The following FAM20B variants were observed in gnomAD, a reference collection of about 807,000 sequenced individuals.
FAM20B encodes FAM20B glycosaminoglycan xylosylkinase, also known as glycosaminoglycan xylosylkinase.
A neutral mutation model predicts 43.8 loss-of-function variants in FAM20B; 23 were observed. The ratio of observed to expected loss-of-function variants is 0.53; its 90% CI spans 0.38 to 0.74. FAM20B has a LOEUF of 0.74. FAM20B is among the 30% of genes least tolerant of loss of function. The probability of loss-of-function intolerance (pLI) is 0.00; values close to 1 mark genes in which losing one functional copy is unlikely to be tolerated. For synonymous variants in FAM20B, 178 were observed against 192.4 expected (o/e 0.93, Z 0.62); for missense variants, 440 against 510.5 (o/e 0.86, Z 1.33).
Position 179,026,032 on chromosome 1 carries a change from G to GC in FAM20B, c.-200_-199insC, listed in dbSNP as rs1649751872. ...GGGCTGCCCCTCCCCGGAGGCGGCG[G>GC]GGGCGGCCGGGGCCGCGCCGCACCG... is the stretch of plus-strand genomic sequence containing the variant. On this transcript the variant is annotated 5_prime_UTR_variant, in exon 1 of 8. Coordinates refer to ENST00000263733, the MANE Select transcript of FAM20B (RefSeq NM_014864.4). 1 of 145,784 alleles carries GC rather than the reference G, an allele frequency of 6.9e-6. No individual in the cohort carries two copies. Among genetic ancestry groups the GC allele is most frequent in the African/African-American group, 2.5e-5 (1 of 40,604 alleles). The allele number at this position is 145,784 out of a possible 1,614,324, so 9.0% of individuals were successfully genotyped here.
intron 1 of FAM20B, among the ~76,000 whole-genome samples, chr1:179,026,332 G>T (rs982402975): frequency 2.4e-4 from 37 of 151,834 alleles, no homozygotes; most frequent in Admixed American, 1.3e-4. Context: ...ACCCGCTCGG[G>T]CCGCGTGTCC....
chr1:179,055,750 A>G (rs7526438), intron 4 of FAM20B, among the ~76,000 whole-genome samples: 108,108 of 152,034 alleles, frequency 0.71, 39,581 homozygotes, highest in African/African-American at 0.89. Flanking sequence ...AAAGCAGAGG[A>G]TTTGTAGAGG....
At chr1:179,053,696 G>A (rs1651102261) in intron 3 of FAM20B, among the ~76,000 whole-genome samples, 1 of 152,142 alleles carries the variant, frequency 6.6e-6, no homozygotes, top group African/African-American at 2.4e-5. Context: ...ATAGCCATTT[G>A]TAAAGGCTTT....
At chr1:179,025,797 G>C (rs1268137582), upstream of FAM20B, 2 of 150,920 alleles carry the variant, frequency 1.3e-5, no homozygotes, top group East Asian at 2.0e-4. Context: ...CTACTGGGCG[G>C]GGGCGGGGCC....
intron 4 of FAM20B, 26 bp from the exon 5 acceptor site, chr1:179,063,901 G>A (rs759831091): frequency 1.3e-6 from 2 of 1,560,876 alleles, no homozygotes; most frequent in East Asian, 2.3e-5. Flanking sequence ...TTCCTTAAGT[G>A]TATTTGGCTC....
intron 4 of FAM20B, among the ~76,000 whole-genome samples, chr1:179,061,964 G>C (rs1204048881): frequency 6.6e-6 from 1 of 151,942 alleles, no homozygotes; most frequent in Non-Finnish European, 1.5e-5. Context: ...GCACTTTCTT[G>C]CAACTGGCAT....
At chr1:179,024,036 A>G (rs75628647), upstream of FAM20B, among the ~76,000 whole-genome samples, 34 of 152,320 alleles carry the variant, frequency 2.2e-4, no homozygotes, top group East Asian at 6.6e-3. Flanking sequence ...GGGTAATGCA[A>G]CATGGAGAAG....
chr1:179,022,502 T>A (rs1288656753), upstream of FAM20B, among the ~76,000 whole-genome samples: 1 of 152,220 alleles, frequency 6.6e-6, no homozygotes, highest in African/African-American at 2.4e-5. Context: ...CCTTCGTGTA[T>A]GCAAAAGCAC....
At chr1:179,055,340 G>A (rs956965732) in intron 4 of FAM20B, among the ~76,000 whole-genome samples, 4 of 152,168 alleles carry the variant, frequency 2.6e-5, no homozygotes, top group Admixed American at 2.6e-4. Flanking sequence ...CAGTGATACA[G>A]TGCTCTGCAT....
intron 4 of FAM20B, among the ~76,000 whole-genome samples, chr1:179,059,495 C>T (rs1183863669): frequency 6.6e-6 from 1 of 152,042 alleles, no homozygotes; most frequent in Non-Finnish European, 1.5e-5. Context: ...AAATGTTAAC[C>T]CCAGGAACCT....
chr1:179,073,989 A>G lies in FAM20B; in HGVS notation c.*1845A>G, dbSNP rs563910351. ...CTGTCAAGTAGAGGCGAATATATAA[A>G]CAGTGTGGTTGAATACATTTAATGC... On this transcript the variant is annotated 3_prime_UTR_variant, in exon 8 of 8. Coordinates refer to ENST00000263733, the MANE Select transcript of FAM20B (RefSeq NM_014864.4). The G allele has an allele frequency of 3.3e-5, 5 of 152,426 alleles. No individual in the cohort carries two copies. In the South Asian group the frequency reaches 1.0e-3, roughly 32 times the overall value. The allele number at this position is 152,426 out of a possible 1,614,324, so 9.4% of individuals were successfully genotyped here.
At chr1:179,022,194 A>G (rs1649614467), upstream of FAM20B, among the ~76,000 whole-genome samples, 1 of 152,232 alleles carries the variant, frequency 6.6e-6, no homozygotes, top group Non-Finnish European at 1.5e-5. Flanking sequence ...AGCTGTCCAC[A>G]GACAGCCCAA....
At chr1:179,027,026 A>T (rs549215103) in intron 1 of FAM20B, among the ~76,000 whole-genome samples, 75 of 152,364 alleles carry the variant, frequency 4.9e-4, no homozygotes, top group African/African-American at 1.8e-3. Flanking sequence ...ATTTGGGAAA[A>T]TGAGAGTTGC....
At chr1:179,019,999 C>T in the FAM20B span, among the ~76,000 whole-genome samples, 2 of 152,150 alleles carry the variant, frequency 1.3e-5, no homozygotes, top group Non-Finnish European at 2.9e-5. Context: ...GCTTATAGTC[C>T]CACTGTGTTG....
At chr1:179,050,840 G>A (rs1053767309) in intron 3 of FAM20B, among the ~76,000 whole-genome samples, 4 of 152,164 alleles carry the variant, frequency 2.6e-5, no homozygotes, top group African/African-American at 7.2e-5. Flanking sequence ...AAAAGGAAAG[G>A]GCCAGGCGTA....
intron 1 of FAM20B, among the ~76,000 whole-genome samples, chr1:179,041,671 G>GGA (rs141358348): frequency 7.1e-6 from 1 of 141,146 alleles, no homozygotes; most frequent in Non-Finnish European, 1.5e-5. Context: ...TGGGAGACAG[G>GGA]GAGGGAGAGG....
intron 1 of FAM20B, among the ~76,000 whole-genome samples, chr1:179,043,055 A>G (rs2102496740): frequency 6.6e-6 from 1 of 152,264 alleles, no homozygotes; most frequent in South Asian, 2.1e-4. Flanking sequence ...CTTTCCGCCC[A>G]GGAGCCTGCC....
chr1:179,040,624 G>GAT (rs1650458729), intron 1 of FAM20B, among the ~76,000 whole-genome samples: 1 of 135,052 alleles, frequency 7.4e-6, no homozygotes, highest in Non-Finnish European at 1.6e-5. Flanking sequence ...GGGCAGAGGC[G>GAT]CCCCTCACCT....
upstream of FAM20B, among the ~76,000 whole-genome samples, chr1:179,021,578 C>T (rs1202789962): frequency 1.3e-5 from 2 of 152,192 alleles, no homozygotes; most frequent in East Asian, 1.9e-4. Context: ...TATAGCCATA[C>T]ATGACAGTTA....
Sources: allele counts gnomAD v4.1 joint callset (sites outside exome capture counted in the v4.1 genomes callset), GRCh38; gene constraint gnomAD v4.1.1; transcripts MANE v1.5; gene names NCBI Gene and HGNC (gene_info 2026-07-23, HGNC 2026-07-21).